Variants in B4GALNT3 observed in about 807,000 individuals in gnomAD.
B4GALNT3 encodes beta-1,4-N-acetylgalactosaminyltransferase 3.
A neutral mutation model predicts 120.2 loss-of-function variants in B4GALNT3; 86 were observed. That is an observed-to-expected ratio of 0.72 (90% confidence interval 0.60 to 0.86). B4GALNT3 has a LOEUF of 0.86. B4GALNT3 is among the 40% of genes least tolerant of loss of function. The pLI, the probability that B4GALNT3 is intolerant of heterozygous loss-of-function variation, is 0.00. For missense variants in B4GALNT3, 1,167 were observed against 1,298.9 expected (o/e 0.90, Z 1.56); for synonymous variants, 518 against 510.4 (o/e 1.01, Z -0.20).
At chr12:496,057 C>T (rs1267521727) in intron 1 of B4GALNT3, among the ~76,000 whole-genome samples, 2 of 152,086 alleles carry the variant, frequency 1.3e-5, no homozygotes, top group Non-Finnish European at 2.9e-5. Flanking sequence ...AATTTGTTAG[C>T]TCCTTCAGAG....
rs1392966761 is a variant in B4GALNT3 at position 556,399 on chromosome 12, C to T, written c.2061-148C>T. On this transcript the variant is annotated intron_variant, in intron 14 of 19. Coordinates refer to ENST00000266383, the MANE Select transcript of B4GALNT3 (RefSeq NM_173593.4). ...AGCGAACCCTAGAGAGATTGCGAAT[C>T]TTGCCTGAGGCCCTATAGCCAGCCA... The T allele has an allele frequency of 5.7e-6, 4 of 705,560 alleles. No homozygotes were observed. In the East Asian group the frequency reaches 1.1e-4, roughly 19 times the overall value. The allele number at this position is 705,560 out of a possible 1,614,324, so 43.7% of individuals were successfully genotyped here.
intron 1 of B4GALNT3, among the ~76,000 whole-genome samples, chr12:495,177 C>T (rs775023166): frequency 7.9e-5 from 12 of 152,178 alleles, no homozygotes; most frequent in Non-Finnish European, 1.6e-4. Flanking sequence ...TAACTTGTCT[C>T]AAGTTACACA....
intron 1 of B4GALNT3, among the ~76,000 whole-genome samples, chr12:506,739 CCATT>C (rs1946500040): frequency 6.6e-6 from 1 of 152,168 alleles, no homozygotes; most frequent in African/African-American, 2.4e-5. Flanking sequence ...CGGGTTCACG[CCATT>C]CTCCTGCCTC....
intron 19 of B4GALNT3, among the ~76,000 whole-genome samples, chr12:560,035 A>G (rs1947209414): frequency 6.6e-6 from 1 of 152,188 alleles, no homozygotes; most frequent in Non-Finnish European, 1.5e-5. Context: ...AAGGAGAGCA[A>G]GATTGGGCAG....
At position 553,692 on chromosome 12, in the gene B4GALNT3, A is replaced by C; in HGVS notation, c.1769A>C (p.Glu590Ala). Residue 590 changes from glutamate (E) to alanine (A), a missense_variant, in exon 14 of 20, where the codon GAG (glutamate) becomes GCG (alanine). Physicochemically the swap from Glu to Ala is moderately radical, Grantham distance 107. Around this residue, in one of 3 missense-constraint regions of B4GALNT3, gnomAD observed 983 missense variants for 1,102.5 expected, o/e 0.89. Transcript: ENST00000266383. The stretch of plus-strand genomic sequence containing the variant: ...GCCCCTGGAAGGGGCTGGCATGGGG[A>C]GGAGGAAGTGGTGGCGGCCGCAGGC... ...PQAPGRGWHG[E>A]EEVVAAAGQE... 1 of 1,613,678 alleles carries C rather than the reference A, an allele frequency of 6.2e-7. No individual in the cohort carries two copies. Among genetic ancestry groups the C allele is most frequent in the Non-Finnish European group, 8.5e-7 (1 of 1,179,698 alleles).
intron 1 of B4GALNT3, among the ~76,000 whole-genome samples, chr12:515,618 A>C (rs922641335): frequency 1.3e-5 from 2 of 152,184 alleles, no homozygotes; most frequent in Non-Finnish European, 2.9e-5. Context: ...TATTTATCGA[A>C]TATTTACCGT....
intron 14 of B4GALNT3, among the ~76,000 whole-genome samples, chr12:554,625 C>T (rs1453877535): frequency 2.0e-4 from 30 of 148,572 alleles, no homozygotes; most frequent in Admixed American, 2.7e-4. Flanking sequence ...CCCGTCTCTA[C>T]TAAAAATACA....
At chr12:494,967 A>G (rs1946375389) in intron 1 of B4GALNT3, among the ~76,000 whole-genome samples, 1 of 152,208 alleles carries the variant, frequency 6.6e-6, no homozygotes, top group Non-Finnish European at 1.5e-5. Flanking sequence ...CTGGGTATAA[A>G]AAGGAGGCCT....
At chr12:489,426 A>C (rs1946321084) in intron 1 of B4GALNT3, among the ~76,000 whole-genome samples, 1 of 152,206 alleles carries the variant, frequency 6.6e-6, no homozygotes, top group African/African-American at 2.4e-5. Context: ...TAAATATGAT[A>C]GATATTATTA....
In B4GALNT3 at chr12:535,266, C is replaced by T. The variant is rs781227495; in HGVS notation, c.270C>T (p.Leu90=). 23 of 1,613,142 alleles carry T rather than the reference C, an allele frequency of 1.4e-5. No individual in the cohort carries two copies. Among genetic ancestry groups the T allele is most frequent in the East Asian group, 6.7e-5 (3 of 44,848 alleles). Reference sequence around the variant, plus strand: ...TCTACCATCCCCAGAGGCTGAGCCTCGAGGTAGGTGACCAGCCAGTCCATT... The same window carrying T: ...TCTACCATCCCCAGAGGCTGAGCCTTGAGGTAGGTGACCAGCCAGTCCATT... The part of the protein sequence containing the change: ...LQFYHPQRLS[L]EDHDIDQGVS... Residue 90 remains leucine, a synonymous_variant, in exon 2 of 20, where the codon CTC becomes CTT. Coordinates refer to ENST00000266383, the MANE Select transcript of B4GALNT3 (RefSeq NM_173593.4).
chr12:474,292 G>A (rs983470774), intron 1 of B4GALNT3, among the ~76,000 whole-genome samples: 1 of 152,188 alleles, frequency 6.6e-6, no homozygotes, highest in African/African-American at 2.4e-5. Context: ...CCAGTATGGG[G>A]GGATGGGGGA....
intron 13 of B4GALNT3, chr12:552,966 C>G: frequency 3.3e-6 from 2 of 608,580 alleles, no homozygotes; most frequent in Non-Finnish European, 5.6e-6. Context: ...TCAGTCTTCA[C>G]AAACCCATGA....
chr12:495,862 C>T (rs965395906), intron 1 of B4GALNT3, among the ~76,000 whole-genome samples: 2 of 152,002 alleles, frequency 1.3e-5, no homozygotes, highest in Non-Finnish European at 2.9e-5. Flanking sequence ...TGCTCAGCTA[C>T]CAAGAATTAC....
chr12:473,282 C>T (rs1224893275), intron 1 of B4GALNT3, among the ~76,000 whole-genome samples: 2 of 152,166 alleles, frequency 1.3e-5, no homozygotes, highest in Non-Finnish European at 2.9e-5. Context: ...TACTTACCAA[C>T]CCCTTCTACA....
chr12:561,285 G>A, intron 19 of B4GALNT3, 58 bp from the exon 20 acceptor site: 5 of 1,394,618 alleles, frequency 3.6e-6, no homozygotes, highest in Non-Finnish European at 4.1e-6. Flanking sequence ...CGATGGGGAG[G>A]GGCCCCCCAG....
chr12:551,157 C>G lies in B4GALNT3; in HGVS notation c.1107+126C>G, dbSNP rs1420080971. The stretch of plus-strand genomic sequence containing the variant: ...CATCCCATCCCAGCAGACAGGACGT[C>G]CTCACAGGTCCCTGGGCTGGGAAGA... On this transcript the variant is annotated intron_variant, in intron 11 of 19. Coordinates refer to ENST00000266383, the MANE Select transcript of B4GALNT3 (RefSeq NM_173593.4). 11 of 795,196 alleles carry G rather than the reference C, an allele frequency of 1.4e-5. No individual in the cohort carries two copies. The East Asian group carries it at 2.4e-4, about 17-fold the overall frequency. 49.3% of individuals were successfully genotyped at this position (795,196 alleles called of 1,614,324 possible).
intron 1 of B4GALNT3, among the ~76,000 whole-genome samples, chr12:477,338 G>A (rs371229814): frequency 4.5e-4 from 69 of 152,220 alleles, no homozygotes; most frequent in Admixed American, 9.8e-4. Context: ...TCTTACCAGT[G>A]AACTAGCTGA....
chr12:460,529 G>C lies in B4GALNT3; in HGVS notation c.153G>C (p.Gly51=). 2 of 1,523,216 alleles carry C rather than the reference G, an allele frequency of 1.3e-6. No homozygotes were observed. Among genetic ancestry groups the C allele is most frequent in the Non-Finnish European group, 1.8e-6 (2 of 1,130,698 alleles). 94.4% of individuals were successfully genotyped at this position (1,523,216 alleles called of 1,614,324 possible). The change falls in exon 1 of 20, where the codon GGG becomes GGC. Residue 51 remains glycine (G), a synonymous_variant. Transcript: ENST00000266383. The surrounding 1 kb of genome is among the most constrained non-coding windows in gnomAD (Gnocchi z 8.0). ...TGGTGGCGTCGGCCCAGGTCGGCGG[G>C]AACCCCCTGAACCGGAGTAAGTAGC... ...LELVASAQVG[G]NPLNRRYGSW...
chr12:528,755 A>C (rs1013387184), intron 1 of B4GALNT3, among the ~76,000 whole-genome samples: 2 of 152,146 alleles, frequency 1.3e-5, no homozygotes, highest in African/African-American at 4.8e-5. Context: ...CATGCTCTCC[A>C]AGGACAGAGC....
Sources: gnomAD v4.1 joint callset for allele counts (sites outside exome capture counted in the v4.1 genomes callset) on GRCh38, gnomAD v4.1.1 for gene constraint, gnomAD v4.1.1 regional missense constraint, Gnocchi (gnomAD v3.1) non-coding constraint, MANE v1.5 for transcripts, NCBI Gene and HGNC (gene_info 2026-07-23, HGNC 2026-07-21) for gene names.